MDGA2: variants seen among roughly 807,000 people sequenced by gnomAD.
The protein encoded by MDGA2 is MAM domain-containing glycosylphosphatidylinositol anchor protein 2.
MDGA2 carries 40 observed loss-of-function variants against 117.8 expected under a neutral mutation model. The observed-to-expected ratio is 0.34, with a 90% CI of 0.26 to 0.44. The LOEUF (loss-of-function observed/expected upper bound fraction) is 0.44. Ranked by LOEUF, MDGA2 falls within the 20% of genes least tolerant of loss-of-function variation. MDGA2 has a pLI of 1.00. For synonymous variants in MDGA2, 452 were observed against 439.0 expected, an observed-to-expected ratio of 1.03 and a Z score of -0.37; for missense variants, 1,123 against 1,250.6, an observed-to-expected ratio of 0.90 and a Z score of 1.54.
intron 5 of MDGA2, among the ~76,000 whole-genome samples, chr14:47,106,713 G>A (rs539290237): frequency 8.6e-5 from 13 of 151,766 alleles, no homozygotes; most frequent in South Asian, 4.2e-4. Context: ...CCGAGCTTCC[G>A]GTAACTCTCA....
intron 1 of MDGA2, among the ~76,000 whole-genome samples, chr14:47,430,829 G>A (rs1189528861): frequency 6.6e-6 from 1 of 152,066 alleles, no homozygotes; most frequent in Non-Finnish European, 1.5e-5. Flanking sequence ...AAATACTGGT[G>A]CCACCAGTCT....
At chr14:47,320,955 T>C (rs561488986) in intron 1 of MDGA2, among the ~76,000 whole-genome samples, 3 of 152,258 alleles carry the variant, frequency 2.0e-5, no homozygotes, top group Admixed American at 6.5e-5. Flanking sequence ...TAAGAGATTA[T>C]GGGTAAAGAA....
chr14:47,392,863 T>C (rs1012207674), intron 1 of MDGA2, among the ~76,000 whole-genome samples: 1 of 152,104 alleles, frequency 6.6e-6, no homozygotes, highest in Non-Finnish European at 1.5e-5. Flanking sequence ...AGGATCACAT[T>C]TAGGGCAAAG....
intron 7 of MDGA2, among the ~76,000 whole-genome samples, chr14:47,053,223 A>G (rs1889519407): frequency 1.3e-5 from 2 of 151,608 alleles, no homozygotes; most frequent in South Asian, 2.1e-4. Flanking sequence ...TTTTTTTATC[A>G]TCTCCTTGGA....
intron 3 of MDGA2, among the ~76,000 whole-genome samples, chr14:47,176,476 G>C (rs1442848163): frequency 1.3e-5 from 2 of 152,222 alleles, no homozygotes; most frequent in East Asian, 3.9e-4. Context: ...GAACAGAACA[G>C]AGCCCTCAGA....
At chr14:47,509,782 T>G (rs926044000) in intron 1 of MDGA2, among the ~76,000 whole-genome samples, 1 of 152,246 alleles carries the variant, frequency 6.6e-6, no homozygotes, top group African/African-American at 2.4e-5. Context: ...ATCTTATGAC[T>G]GCCTCCAATG....
At chr14:47,603,253 C>A (rs1170155087) in intron 1 of MDGA2, among the ~76,000 whole-genome samples, 1 of 152,144 alleles carries the variant, frequency 6.6e-6, no homozygotes, top group Non-Finnish European at 1.5e-5. Flanking sequence ...TACTAATTGA[C>A]TTTGCTTTTA....
In MDGA2 at chr14:46,958,056, T is replaced by C. The variant is rs969505501; in HGVS notation, c.1820-413A>G. ...ATTCCTTTCTTCATTTACTTCATGGTCTGATACTGAAGGCAGCTATTTAAA... is the reference window on the plus strand; with the variant it reads ...ATTCCTTTCTTCATTTACTTCATGGCCTGATACTGAAGGCAGCTATTTAAA... On this transcript the variant is annotated intron_variant, in intron 8 of 16. Coordinates refer to ENST00000399232, the MANE Select transcript of MDGA2 (RefSeq NM_001113498.3). Among the ~76,000 whole-genome samples the C allele has an allele frequency of 3.3e-5, 5 of 152,226 alleles. 1 individual carries two copies. Among genetic ancestry groups the C allele is most frequent in the African/African-American group, 1.2e-4 (5 of 41,468 alleles).
chr14:47,372,174 A>T (rs1266143277), intron 1 of MDGA2, among the ~76,000 whole-genome samples: 2 of 151,814 alleles, frequency 1.3e-5, no homozygotes, highest in Non-Finnish European at 3.0e-5. Flanking sequence ...ATATGAAAAT[A>T]TTCTACCACC....
chr14:47,521,786 C>T (rs1894872311), intron 1 of MDGA2, among the ~76,000 whole-genome samples: 1 of 152,140 alleles, frequency 6.6e-6, no homozygotes, highest in Non-Finnish European at 1.5e-5. Flanking sequence ...ATTCTCCTAC[C>T]TCAGCCTCCC....
At chr14:47,463,636 G>A (rs1457525346) in intron 1 of MDGA2, among the ~76,000 whole-genome samples, 2 of 151,916 alleles carry the variant, frequency 1.3e-5, no homozygotes, top group East Asian at 3.9e-4. Context: ...GAGGGGTAGG[G>A]GATTATCTGG....
At chr14:46,905,733 T>A (rs1009753376) in intron 10 of MDGA2, among the ~76,000 whole-genome samples, 1 of 152,032 alleles carries the variant, frequency 6.6e-6, no homozygotes, top group African/African-American at 2.4e-5. Context: ...GTTCAATTCA[T>A]GATGACAAAA....
At chr14:47,213,157 C>T (rs1309777339) in intron 3 of MDGA2, among the ~76,000 whole-genome samples, 1 of 152,062 alleles carries the variant, frequency 6.6e-6, no homozygotes, top group African/African-American at 2.4e-5. Context: ...TCTTATAGGT[C>T]TAAAAATGTC....
chr14:46,996,883 T>C (rs1380218881), intron 8 of MDGA2: 2 of 319,308 alleles, frequency 6.3e-6, no homozygotes, highest in African/African-American at 2.2e-5. Context: ...AGCCAATGCA[T>C]ATGATACTGA....
chr14:47,301,348 C>A, intron 2 of MDGA2, 63 bp downstream of exon 2: 1 of 1,520,278 alleles, frequency 6.6e-7, no homozygotes, highest in Non-Finnish European at 8.9e-7. Context: ...CTAAAATATA[C>A]ACTTTTTGAC....
At chr14:46,973,956 C>G (rs1385309494) in intron 8 of MDGA2, among the ~76,000 whole-genome samples, 1 of 150,944 alleles carries the variant, frequency 6.6e-6, no homozygotes, top group African/African-American at 2.4e-5. Context: ...TCACTGCAGC[C>G]TCTGACTCCT....
At chr14:47,159,770 T>C (rs1286349212) in intron 3 of MDGA2, among the ~76,000 whole-genome samples, 1 of 152,210 alleles carries the variant, frequency 6.6e-6, no homozygotes, top group Non-Finnish European at 1.5e-5. Flanking sequence ...AACTGTCTAC[T>C]TAGATCCTTT....
chr14:47,003,462 C>T (rs1362687970), intron 8 of MDGA2, among the ~76,000 whole-genome samples: 2 of 152,026 alleles, frequency 1.3e-5, no homozygotes, highest in South Asian at 4.1e-4. Context: ...CCTATTCATA[C>T]CCTCCAGGAC....
intron 5 of MDGA2, among the ~76,000 whole-genome samples, chr14:47,099,769 C>T (rs1275753859): frequency 6.6e-6 from 1 of 151,926 alleles, no homozygotes; most frequent in Non-Finnish European, 1.5e-5. Context: ...CCTCAATTTC[C>T]CATTGTTGAA....
Sources: allele counts gnomAD v4.1 joint callset (sites outside exome capture counted in the v4.1 genomes callset), GRCh38; gene constraint gnomAD v4.1.1; transcripts MANE v1.5; gene names NCBI Gene and HGNC (gene_info 2026-07-23, HGNC 2026-07-21).